The following SLCO1A2 variants were observed in gnomAD, a reference collection of about 807,000 sequenced individuals.
SLCO1A2 encodes the protein solute carrier organic anion transporter family member 1A2.
SLCO1A2 carries 67 observed loss-of-function variants against 69.0 expected under a neutral mutation model. The ratio of observed to expected loss-of-function variants is 0.97; its 90% CI spans 0.80 to 1.19. The LOEUF (loss-of-function observed/expected upper bound fraction) is 1.19, where lower values mean the gene tolerates loss of function less well. Ranked by LOEUF, SLCO1A2 falls within the 50% of genes most tolerant of loss-of-function variation. SLCO1A2 has a pLI of 0.00. For synonymous variants in SLCO1A2, 260 were observed against 265.9 expected, an observed-to-expected ratio of 0.98 and a Z score of 0.22; for missense variants, 787 against 793.7, an observed-to-expected ratio of 0.99 and a Z score of 0.10.
Position 21,304,513 on chromosome 12 carries a change from C to G in SLCO1A2, c.503G>C (p.Arg168Pro). 6.2e-7 allele frequency: 1 copy of G among 1,612,776 alleles called. No homozygotes were observed. The change falls in exon 6 of 15, where the codon CGT (arginine) becomes CCT (proline). Residue 168 changes from arginine (R) to proline (P), a missense_variant. Transcript: ENST00000683939. ...CAGGATGGGAGTTTCACCCATTCCA[C>G]GTACAATATTGCCTACTAGGACGTA... is the stretch of plus-strand genomic sequence containing the variant. ...WVYVLVGNIV[R>P]GMGETPILPL...
intron 4 of SLCO1A2, among the ~76,000 whole-genome samples, 158 bp downstream of exon 4, chr12:21,314,391 A>G (rs964769384): frequency 2.0e-5 from 3 of 152,232 alleles, no homozygotes; most frequent in Non-Finnish European, 4.4e-5. Context: ...GAGGCAGCCA[A>G]GAGCACCAAA....
At chr12:21,384,828 C>T (rs1451414718) in intron 1 of SLCO1A2, among the ~76,000 whole-genome samples, 1 of 149,158 alleles carries the variant, frequency 6.7e-6, no homozygotes, top group African/African-American at 2.5e-5. Flanking sequence ...AGCGGTGGCG[C>T]GATCTCGGCT....
In SLCO1A2 at chr12:21,330,779, T is replaced by C. The variant is rs77871150; in HGVS notation, c.60+3809A>G. Among the ~76,000 whole-genome samples the C allele has an allele frequency of 3.6e-3, 554 of 152,240 alleles. 4 individuals carry two copies. Among genetic ancestry groups the C allele is most frequent in the Middle Eastern group, 0.01 (3 of 292 alleles). On this transcript the variant is annotated intron_variant, in intron 2 of 14. Coordinates refer to ENST00000683939, the MANE Select transcript of SLCO1A2 (RefSeq NM_001386879.1). ...GTGTACTTTTAATATCAAAGTTCAATTTTTAGAAAAACTATTATAATTTCC... is the reference window on the plus strand; with the variant it reads ...GTGTACTTTTAATATCAAAGTTCAACTTTTAGAAAAACTATTATAATTTCC...
intron 1 of SLCO1A2, among the ~76,000 whole-genome samples, chr12:21,415,559 TA>T (rs1941975926): frequency 6.6e-6 from 1 of 152,142 alleles, no homozygotes; most frequent in Non-Finnish European, 1.5e-5. Flanking sequence ...TGGCTCACAT[TA>T]AATTTAAGAT....
At chr12:21,298,712 T>A (rs1368068923) in intron 8 of SLCO1A2, among the ~76,000 whole-genome samples, 2 of 152,160 alleles carry the variant, frequency 1.3e-5, no homozygotes, top group African/African-American at 2.4e-5. Flanking sequence ...AAGTTTCTTT[T>A]CTATGTCTTG....
chr12:21,274,993 G>C (rs2136099215), intron 13 of SLCO1A2: 1 of 1,023,864 alleles, frequency 9.8e-7, no homozygotes, highest in African/African-American at 1.7e-5. Flanking sequence ...CTATCTCTTT[G>C]TGTGCTGCAT....
At chr12:21,317,613 G>C (rs1307046659) in intron 3 of SLCO1A2, among the ~76,000 whole-genome samples, 2 of 152,154 alleles carry the variant, frequency 1.3e-5, no homozygotes, top group Admixed American at 1.3e-4. Context: ...GCTATACATG[G>C]AGTTAGTTCT....
At chr12:21,400,092 C>A (rs1941636603), upstream of SLCO1A2, among the ~76,000 whole-genome samples, 1 of 151,902 alleles carries the variant, frequency 6.6e-6, no homozygotes, top group Admixed American at 6.6e-5. Flanking sequence ...AACAGGCAAC[C>A]TACAAAATGG....
At chr12:21,381,051 G>T (rs1440998060) in intron 1 of SLCO1A2, among the ~76,000 whole-genome samples, 4 of 152,118 alleles carry the variant, frequency 2.6e-5, no homozygotes, top group African/African-American at 9.7e-5. Context: ...TTCCAGATAA[G>T]ATCTCAGAAG....
chr12:21,346,735 G>C (rs1953263283), intron 2 of SLCO1A2, among the ~76,000 whole-genome samples: 1 of 152,102 alleles, frequency 6.6e-6, no homozygotes, highest in Non-Finnish European at 1.5e-5. Flanking sequence ...ACATAACTGA[G>C]ACTGTCTGCT....
intron 1 of SLCO1A2, among the ~76,000 whole-genome samples, chr12:21,409,282 G>A (rs1021711299): frequency 1.2e-4 from 19 of 152,152 alleles, no homozygotes; most frequent in Middle Eastern, 6.8e-3. Context: ...GCAACATGTC[G>A]TATTCATATT....
intron 8 of SLCO1A2, among the ~76,000 whole-genome samples, chr12:21,298,949 T>C (rs779940506): frequency 6.0e-4 from 92 of 152,160 alleles, no homozygotes; most frequent in Non-Finnish European, 1.2e-4. Flanking sequence ...CTATGCAAAT[T>C]GACATTGTAA....
At chr12:21,275,259 C>T (rs768377474) in intron 13 of SLCO1A2, 101 bp downstream of exon 13, 2 of 1,093,662 alleles carry the variant, frequency 1.8e-6, no homozygotes, top group South Asian at 1.8e-5. Flanking sequence ...ATGTAACAAA[C>T]CTGCACGTTG....
At chr12:21,308,702 A>G in intron 4 of SLCO1A2, among the ~76,000 whole-genome samples, 1 of 152,166 alleles carries the variant, frequency 6.6e-6, no homozygotes, top group Non-Finnish European at 1.5e-5. Flanking sequence ...CCCAAGGAAC[A>G]GATTGAAGAA....
chr12:21,394,705 G>C (rs1034368461), intron 1 of SLCO1A2, among the ~76,000 whole-genome samples: 1 of 152,032 alleles, frequency 6.6e-6, no homozygotes, highest in South Asian at 2.1e-4. Context: ...AGAAGAAAAA[G>C]TGCTTAGAAT....
chr12:21,393,974 C>A (rs532995911), intron 1 of SLCO1A2, among the ~76,000 whole-genome samples: 1 of 152,248 alleles, frequency 6.6e-6, no homozygotes, highest in East Asian at 1.9e-4. Context: ...CTAGTGCTTA[C>A]CTCTATAAAA....
At chr12:21,362,315 G>A (rs73069081) in intron 2 of SLCO1A2, among the ~76,000 whole-genome samples, 21,318 of 152,034 alleles carry the variant, frequency 0.14, 1,613 homozygotes, top group Middle Eastern at 0.21. Context: ...CATACGTGAT[G>A]GAGAAATAAA....
Position 21,376,236 on chromosome 12 carries a change from G to T in SLCO1A2, c.-189-1711C>A, listed in dbSNP as rs560467936. 3 of 193,772 alleles carry T rather than the reference G, an allele frequency of 1.5e-5. No homozygotes were observed. In the East Asian group the frequency reaches 4.5e-4, roughly 29 times the overall value. 12.0% of individuals were successfully genotyped at this position (193,772 alleles called of 1,614,324 possible). On this transcript the variant is annotated intron_variant, in intron 1 of 15. Transcript: ENST00000307378. ...ATAAAGTATTTCACACTGTGCTTCA[G>T]TCATATGCTAAACATATCTTGGAAC...
chr12:21,274,715 A>G, intron 13 of SLCO1A2, 129 bp from the exon 14 acceptor site: 1 of 751,564 alleles, frequency 1.3e-6, no homozygotes. Flanking sequence ...TCTAAATTTT[A>G]TTTTTAGAAA....
Sources: allele counts gnomAD v4.1 joint callset (sites outside exome capture counted in the v4.1 genomes callset), GRCh38; gene constraint gnomAD v4.1.1; transcripts MANE v1.5; gene names NCBI Gene and HGNC (gene_info 2026-07-23, HGNC 2026-07-21).